STK39: variants seen among roughly 807,000 people sequenced by gnomAD.
STK39 encodes serine/threonine kinase 39.
Under a neutral mutation model 77.8 loss-of-function variants are expected in STK39, and 20 were observed. The observed-to-expected ratio is 0.26, with a 90% CI of 0.18 to 0.37. STK39 has a LOEUF of 0.37. Among genes scored for constraint, STK39 ranks in the 10% least tolerant of loss-of-function variants. STK39 has a pLI of 1.00. For synonymous variants in STK39, 246 were observed against 234.1 expected, an observed-to-expected ratio of 1.05 and a Z score of -0.47; for missense variants, 479 against 656.5, an observed-to-expected ratio of 0.73 and a Z score of 2.95.
chr2:167,985,359 T>C (rs1559044820), intron 16 of STK39, among the ~76,000 whole-genome samples: 1 of 152,202 alleles, frequency 6.6e-6, no homozygotes, highest in Non-Finnish European at 1.5e-5. Flanking sequence ...CTTGTTTGTT[T>C]CACACAACAT....
At chr2:168,167,459 C>T (rs1688719072) in intron 2 of STK39, 52 bp from the exon 3 acceptor site, 6 of 1,520,930 alleles carry the variant, frequency 3.9e-6, no homozygotes, top group Non-Finnish European at 5.5e-6. Flanking sequence ...AATTGGCAAG[C>T]AAAACACAAG....
chr2:167,983,470 A>G (rs796103829), intron 16 of STK39, among the ~76,000 whole-genome samples: 1,239 of 118,208 alleles, frequency 0.01, 23 homozygotes, highest in African/African-American at 0.036. Context: ...AAAAAAAAAA[A>G]GAAATGAAAG....
chr2:168,121,943 T>C (rs1687417832), intron 10 of STK39, among the ~76,000 whole-genome samples: 1 of 152,232 alleles, frequency 6.6e-6, no homozygotes, highest in Non-Finnish European at 1.5e-5. Context: ...TCTTGCTGTT[T>C]CCAGACCAGG....
intron 16 of STK39, among the ~76,000 whole-genome samples, chr2:167,966,224 T>C (rs1210724170): frequency 1.1e-4 from 16 of 152,118 alleles, no homozygotes; most frequent in Non-Finnish European, 2.9e-5. Flanking sequence ...CTTTCAACAG[T>C]TTTCTGAACA....
intron 16 of STK39, among the ~76,000 whole-genome samples, chr2:167,970,392 T>G (rs1421082585): frequency 1.3e-5 from 2 of 152,144 alleles, no homozygotes; most frequent in African/African-American, 2.4e-5. Context: ...AAATGAATCT[T>G]TGTGATATCA....
At chr2:168,171,862 T>TCCCCCCCC (rs200147918) in intron 2 of STK39, among the ~76,000 whole-genome samples, 1 of 69,422 alleles carries the variant, frequency 1.4e-5, no homozygotes, top group Non-Finnish European at 3.1e-5. Context: ...CACTCCCCCC[T>TCCCCCCCC]CCCCCCCACA....
At chr2:168,023,216 TGACTTTAA>T (rs1376696537) in intron 14 of STK39, among the ~76,000 whole-genome samples, 2 of 151,824 alleles carry the variant, frequency 1.3e-5, no homozygotes, top group African/African-American at 4.8e-5. Flanking sequence ...ATGCCCAGCC[TGACTTTAA>T]AAAAATGTTT....
At chr2:168,050,432 G>A (rs183288928) in intron 14 of STK39, among the ~76,000 whole-genome samples, 23 of 152,332 alleles carry the variant, frequency 1.5e-4, no homozygotes, top group Admixed American at 1.2e-3. Context: ...GGATTTGGTA[G>A]ATGTAATTAA....
chr2:168,008,355 T>G (rs903224099), intron 16 of STK39, among the ~76,000 whole-genome samples: 4 of 152,010 alleles, frequency 2.6e-5, no homozygotes, highest in African/African-American at 9.7e-5. Context: ...ATGTGAAGTA[T>G]GAGAGAAAGA....
intron 10 of STK39, among the ~76,000 whole-genome samples, chr2:168,113,859 T>C (rs1687186238): frequency 6.6e-6 from 1 of 152,122 alleles, no homozygotes; most frequent in African/African-American, 2.4e-5. Flanking sequence ...AAATATCTCT[T>C]GATAAGGTAA....
At chr2:168,016,387 C>CAAAAAAAAAAAAAAA (rs869084308) in intron 15 of STK39, among the ~76,000 whole-genome samples, 7 of 65,686 alleles carry the variant, frequency 1.1e-4, no homozygotes, top group African/African-American at 3.9e-4. Context: ...GGCCTTTGTT[C>CAAAAAAAAAAAAAAA]AAAAAAAAAA....
At chr2:168,200,683 TAA>T (rs1689591492) in intron 1 of STK39, among the ~76,000 whole-genome samples, 1 of 39,720 alleles carries the variant, frequency 2.5e-5, no homozygotes, top group Admixed American at 4.7e-4. Flanking sequence ...TCTCAAAACA[TAA>T]AAATAAAATA....
At chr2:168,197,810 C>T (rs1397641499) in intron 1 of STK39, among the ~76,000 whole-genome samples, 2 of 151,950 alleles carry the variant, frequency 1.3e-5, no homozygotes, top group Non-Finnish European at 2.9e-5. Flanking sequence ...CTGAGGTGGC[C>T]GGATCACCTG....
intron 1 of STK39, among the ~76,000 whole-genome samples, chr2:168,233,091 C>A (rs1559158545): frequency 6.6e-6 from 1 of 152,076 alleles, no homozygotes; most frequent in Admixed American, 6.6e-5. Flanking sequence ...ACACTCTAGC[C>A]CCGATCTTGA....
At chr2:168,100,273 T>C (rs532290074) in intron 10 of STK39, among the ~76,000 whole-genome samples, 16 of 152,228 alleles carry the variant, frequency 1.1e-4, no homozygotes, top group Non-Finnish European at 2.2e-4. Flanking sequence ...GAAAAAAAAG[T>C]AGATGCCTTG....
At chr2:168,074,793 A>G (rs1686033056) in intron 12 of STK39, among the ~76,000 whole-genome samples, 189 bp downstream of exon 12, 1 of 152,198 alleles carries the variant, frequency 6.6e-6, no homozygotes, top group South Asian at 2.1e-4. Flanking sequence ...CTCAGAAAGC[A>G]AAGTAATTTG....
intron 1 of STK39, among the ~76,000 whole-genome samples, chr2:168,211,312 A>G (rs2105697799): frequency 6.6e-6 from 1 of 152,356 alleles, no homozygotes; most frequent in African/African-American, 2.4e-5. Flanking sequence ...ATAGACTGCA[A>G]CTAGAGTGAC....
intron 14 of STK39, among the ~76,000 whole-genome samples, chr2:168,037,144 G>A (rs1003979955): frequency 6.6e-6 from 1 of 152,186 alleles, no homozygotes; most frequent in African/African-American, 2.4e-5. Flanking sequence ...TGGAAACCCT[G>A]TAACTACCAA....
rs1185223812 is a variant in STK39 at position 168,153,208 on chromosome 2, T to A, written c.628+8579A>T. 3.3e-5 allele frequency among the ~76,000 whole-genome samples: 5 copies of A among 152,246 alleles called. No individual in the cohort carries two copies. The East Asian group carries it at 9.6e-4, about 29-fold the overall frequency. On this transcript the variant is annotated intron_variant, in intron 5 of 17. Transcript: ENST00000355999. ...AATCTAAATTTACTATATAGTCAGA[T>A]GTTTATTAATTCATTTGACAACTAT...
Sources: gnomAD v4.1 joint callset for allele counts (sites outside exome capture counted in the v4.1 genomes callset) on GRCh38, gnomAD v4.1.1 for gene constraint, MANE v1.5 for transcripts, NCBI Gene and HGNC (gene_info 2026-07-23, HGNC 2026-07-21) for gene names.